The following STARD13 variants were observed in gnomAD, a reference collection of about 807,000 sequenced individuals.
The protein encoded by STARD13 is StAR related lipid transfer domain containing 13, also known as stAR-related lipid transfer protein 13.
A neutral mutation model predicts 106.4 loss-of-function variants in STARD13; 62 were observed. The ratio of observed to expected loss-of-function variants is 0.58; its 90% CI spans 0.48 to 0.72. The LOEUF (loss-of-function observed/expected upper bound fraction) is 0.72. Ranked by LOEUF, STARD13 falls within the 30% of genes least tolerant of loss-of-function variation. The pLI is 0.00. For missense variants in STARD13, 1,387 were observed against 1,424.0 expected, an observed-to-expected ratio of 0.97 and a Z score of 0.42; for synonymous variants, 565 against 553.0, an observed-to-expected ratio of 1.02 and a Z score of -0.31.
intron 1 of STARD13, among the ~76,000 whole-genome samples, chr13:33,314,133 C>T (rs148368132): frequency 8.5e-5 from 13 of 152,102 alleles, no homozygotes; most frequent in African/African-American, 2.4e-4. Flanking sequence ...GGAGGAATAC[C>T]GGTAAGGGCT....
At chr13:33,231,888 A>C (rs1314313729) in intron 1 of STARD13, among the ~76,000 whole-genome samples, 1 of 152,188 alleles carries the variant, frequency 6.6e-6, no homozygotes, top group African/African-American at 2.4e-5. Context: ...GGCTCCCCTC[A>C]CCCATTCTAA....
intron 8 of STARD13, among the ~76,000 whole-genome samples, chr13:33,115,024 C>T (rs145485074): frequency 1.3e-5 from 2 of 152,038 alleles, no homozygotes; most frequent in Non-Finnish European, 2.9e-5. Flanking sequence ...CCTGGCACCT[C>T]AAATTCAGAT....
At chr13:33,553,033 A>G in the STARD13 span, among the ~76,000 whole-genome samples, 10 of 152,300 alleles carry the variant, frequency 6.6e-5, no homozygotes, top group East Asian at 1.9e-3. Context: ...AGAAGATTAA[A>G]CAAAATAAGA....
At chr13:33,497,026 G>A in the STARD13 span, among the ~76,000 whole-genome samples, 1 of 152,002 alleles carries the variant, frequency 6.6e-6, no homozygotes, top group Non-Finnish European at 1.5e-5. Context: ...TCACAGCTTT[G>A]TGGTTATTCT....
chr13:33,514,246 T>C, the STARD13 span, among the ~76,000 whole-genome samples: 2 of 152,084 alleles, frequency 1.3e-5, no homozygotes, highest in African/African-American at 2.4e-5. Context: ...GACACAGTGT[T>C]TGGGAGGAAT....
At chr13:33,650,236 C>G in the STARD13 span, among the ~76,000 whole-genome samples, 515 of 112,694 alleles carry the variant, frequency 4.6e-3, 16 homozygotes, top group African/African-American at 0.018. Context: ...TGTCACCCAG[C>G]CTGGAGTGCA....
chr13:33,375,735 A>C, the STARD13 span, among the ~76,000 whole-genome samples: 3 of 152,122 alleles, frequency 2.0e-5, no homozygotes, highest in African/African-American at 4.8e-5. Context: ...CTCCCACTGG[A>C]TCTCTCCCAT....
chr13:33,374,107 T>A, the STARD13 span, among the ~76,000 whole-genome samples: 2 of 152,138 alleles, frequency 1.3e-5, no homozygotes, highest in African/African-American at 2.4e-5. Flanking sequence ...ATTCAACCTT[T>A]AAAAGGAAGG....
the STARD13 span, among the ~76,000 whole-genome samples, chr13:33,410,963 T>G: frequency 8.3e-4 from 126 of 152,328 alleles, 4 homozygotes; most frequent in East Asian, 0.02. Context: ...GCTTTCCAAT[T>G]TCAACTCATC....
the STARD13 span, among the ~76,000 whole-genome samples, chr13:33,541,994 A>G: frequency 1.1e-4 from 17 of 152,354 alleles, no homozygotes; most frequent in Admixed American, 1.0e-3. Context: ...AAATTTGATA[A>G]AAGACCAAGG....
At chr13:33,627,388 C>T in the STARD13 span, among the ~76,000 whole-genome samples, 268 of 152,182 alleles carry the variant, frequency 1.8e-3, no homozygotes, top group African/African-American at 6.3e-3. Flanking sequence ...TCTGTAATCC[C>T]AGCACTTCGG....
At chr13:33,655,574 T>A in the STARD13 span, among the ~76,000 whole-genome samples, 1 of 152,212 alleles carries the variant, frequency 6.6e-6, no homozygotes, top group African/African-American at 2.4e-5. Flanking sequence ...TTTGTATATA[T>A]TTTTATTGGA....
chr13:33,132,663 C>A (rs1418866273), intron 4 of STARD13, among the ~76,000 whole-genome samples: 1 of 151,952 alleles, frequency 6.6e-6, no homozygotes, highest in Non-Finnish European at 1.5e-5. Context: ...CTAGCCTGGG[C>A]AACATATCAA....
chr13:33,200,951 A>G (rs568555702), intron 1 of STARD13, among the ~76,000 whole-genome samples: 14 of 152,192 alleles, frequency 9.2e-5, no homozygotes, highest in South Asian at 4.1e-4. Flanking sequence ...GCGTGAACCC[A>G]GGAGGCGGAG....
chr13:33,582,072 A>T, the STARD13 span, among the ~76,000 whole-genome samples: 4 of 151,190 alleles, frequency 2.6e-5, no homozygotes, highest in Non-Finnish European at 5.9e-5. Flanking sequence ...TACAAAAAAA[A>T]TTAGCTGGGC....
At chr13:33,506,254 C>G in the STARD13 span, among the ~76,000 whole-genome samples, 3 of 152,142 alleles carry the variant, frequency 2.0e-5, no homozygotes, top group African/African-American at 7.2e-5. Flanking sequence ...TGAGGAAAAG[C>G]ATGTGTGATT....
At chr13:33,548,078 A>G in the STARD13 span, among the ~76,000 whole-genome samples, 1 of 152,204 alleles carries the variant, frequency 6.6e-6, no homozygotes, top group African/African-American at 2.4e-5. Context: ...TAAATATTTC[A>G]TCCCTGCTTT....
the STARD13 span, among the ~76,000 whole-genome samples, chr13:33,440,663 C>T: frequency 6.6e-6 from 1 of 151,544 alleles, no homozygotes; most frequent in African/African-American, 2.4e-5. Flanking sequence ...TCACTTTGCA[C>T]CTTCTTCCAG....
chr13:33,317,339 A>G (rs1469087064), intron 1 of STARD13, among the ~76,000 whole-genome samples: 1 of 152,166 alleles, frequency 6.6e-6, no homozygotes, highest in African/African-American at 2.4e-5. Context: ...CTTAAACTAA[A>G]TCTTTAAGAG....
Sources: gnomAD v4.1 joint callset for allele counts (sites outside exome capture counted in the v4.1 genomes callset) on GRCh38, gnomAD v4.1.1 for gene constraint, MANE v1.5 for transcripts, NCBI Gene and HGNC (gene_info 2026-07-23, HGNC 2026-07-21) for gene names.